The following PCDHGB6 variants were observed in gnomAD, a reference collection of about 807,000 sequenced individuals.
PCDHGB6 encodes protocadherin gamma-B6.
Under a neutral mutation model 59.1 loss-of-function variants are expected in PCDHGB6, and 51 were observed. The observed-to-expected ratio is 0.86, with a 90% CI of 0.69 to 1.09. The LOEUF (loss-of-function observed/expected upper bound fraction) is 1.09, where lower values mean the gene tolerates loss of function less well. Among genes scored for constraint, PCDHGB6 ranks in the 50% least tolerant of loss-of-function variants. The probability of loss-of-function intolerance (pLI) is 0.00; values close to 1 mark genes in which losing one functional copy is unlikely to be tolerated. For missense variants in PCDHGB6, 1,148 were observed against 1,205.1 expected (o/e 0.95, Z 0.70); for synonymous variants, 466 against 495.1 (o/e 0.94, Z 0.78).
Position 141,415,740 on chromosome 5 carries a change from G to T in PCDHGB6, c.2418+5120G>T, listed in dbSNP as rs866795513. 9.4e-4 allele frequency: 585 copies of T among 624,884 alleles called. 4 individuals carry two copies. The highest frequency in any genetic ancestry group is 8.0e-3 in the African/African-American group (318 of 39,862). 38.7% of individuals were successfully genotyped at this position (624,884 alleles called of 1,614,324 possible). A position where few individuals can be genotyped will look rare whatever the true frequency, so the allele number is the denominator to read the frequency against. The stretch of plus-strand genomic sequence containing the variant: ...TGAGTAGAATTTGATGTTTATTAAG[G>T]TTTTTTTTTTTTTTTTTTTTTTTTT... On this transcript the variant is annotated intron_variant, in intron 1 of 3. Coordinates refer to ENST00000520790, the MANE Select transcript of PCDHGB6 (RefSeq NM_018926.3).
intron 1 of PCDHGB6, chr5:141,422,001 C>T (rs2096616874): frequency 6.2e-7 from 1 of 1,609,114 alleles, no homozygotes; most frequent in Non-Finnish European, 8.5e-7. Context: ...ACATCAGCTC[C>T]GGAACTCGGG....
At chr5:141,428,114 C>CG in intron 1 of PCDHGB6, 2 of 1,607,202 alleles carry the variant, frequency 1.2e-6, no homozygotes, top group Non-Finnish European at 1.7e-6. Flanking sequence ...TGCAGGCCAT[C>CG]GAGCCCGGGC....
chr5:141,473,479 G>GA (rs150184379), intron 1 of PCDHGB6, among the ~76,000 whole-genome samples: 6,877 of 152,218 alleles, frequency 0.045, 184 homozygotes, highest in Middle Eastern at 0.088. Flanking sequence ...AAGTTCAATG[G>GA]AAAAAATATA....
In PCDHGB6 at chr5:141,472,980, C is replaced by CAAAA. The variant is rs60579131; in HGVS notation, c.2419-21813_2419-21810dup. ...CAGCCTGGGGAACAAGAGTGAAACT[C>CAAAA]AAAAAAAAAAAAAAAAAGAAAGAAA... On this transcript the variant is annotated intron_variant, in intron 1 of 3. Transcript: ENST00000520790. 5.5e-3 allele frequency among the ~76,000 whole-genome samples: 472 copies of CAAAA among 85,978 alleles called. 4 individuals carry two copies. The highest frequency in any genetic ancestry group is 0.013 in the Admixed American group (104 of 8,158). The allele number at this position is 85,978 out of a possible 152,430, so 56.4% of individuals were successfully genotyped here. A position where few individuals can be genotyped will look rare whatever the true frequency, so the allele number is the denominator to read the frequency against.
chr5:141,489,150 T>C lies in PCDHGB6; in HGVS notation c.2419-5657T>C. The C allele has an allele frequency of 1.7e-5, 15 of 862,654 alleles. No individual in the cohort carries two copies. Among genetic ancestry groups the C allele is most frequent in the Middle Eastern group, 2.5e-4 (1 of 4,044 alleles). 53.4% of individuals were successfully genotyped at this position (862,654 alleles called of 1,614,324 possible). On this transcript the variant is annotated intron_variant, in intron 1 of 3. Transcript: ENST00000520790. The surrounding 1 kb of genome is among the most constrained non-coding windows in gnomAD (Gnocchi z 4.5). ...GTTTTTAAGAGGCTGGAAGGAGACA[T>C]AAGAGACTTCAGCTGCTGCATTCCA...
At chr5:141,497,839 A>G (rs1399696596) in intron 2 of PCDHGB6, among the ~76,000 whole-genome samples, 1 of 152,044 alleles carries the variant, frequency 6.6e-6, no homozygotes, top group East Asian at 1.9e-4. Flanking sequence ...CCCGGCCACA[A>G]CAAACATTTT....
At chr5:141,438,591 CATAT>C (rs946798767) in intron 1 of PCDHGB6, among the ~76,000 whole-genome samples, 213 of 75,464 alleles carry the variant, frequency 2.8e-3, no homozygotes, top group African/African-American at 5.5e-3. Flanking sequence ...TACATACATA[CATAT>C]ATATATATAT....
chr5:141,501,331 A>T (rs1024837974), intron 2 of PCDHGB6, among the ~76,000 whole-genome samples: 2 of 138,846 alleles, frequency 1.4e-5, no homozygotes, highest in Non-Finnish European at 1.6e-5. Flanking sequence ...ACACACACAC[A>T]CACCCCAAAC....
At chr5:141,510,169 A>G (rs927072830) in intron 3 of PCDHGB6, among the ~76,000 whole-genome samples, 7 of 151,230 alleles carry the variant, frequency 4.6e-5, no homozygotes, top group Non-Finnish European at 1.0e-4. Context: ...GCTACTCAGG[A>G]GGTTGAGGCA....
intron 2 of PCDHGB6, among the ~76,000 whole-genome samples, chr5:141,501,032 C>A (rs1370625012): frequency 6.6e-6 from 1 of 151,976 alleles, no homozygotes; most frequent in Non-Finnish European, 1.5e-5. Context: ...CCACGCCCAG[C>A]TAATTTTTGT....
rs2099613082 is a variant in PCDHGB6, at chr5:141,485,421, C to T, written c.2419-9386C>T. ...TTCCGTGTGGATTTGGACAGCGGAG[C>T]CCTGCTCATCAAGAACCCAATCGAC... On this transcript the variant is annotated intron_variant, in intron 1 of 3. Coordinates refer to ENST00000520790, the MANE Select transcript of PCDHGB6 (RefSeq NM_018926.3). The surrounding 1 kb of genome is among the most constrained non-coding windows in gnomAD (Gnocchi z 5.7). The T allele has an allele frequency of 6.2e-7, 1 of 1,614,112 alleles. No individual in the cohort carries two copies. Among genetic ancestry groups the T allele is most frequent in the Non-Finnish European group, 8.5e-7 (1 of 1,180,010 alleles).
chr5:141,425,401 T>C (rs1280463432), intron 1 of PCDHGB6, among the ~76,000 whole-genome samples: 1 of 152,234 alleles, frequency 6.6e-6, no homozygotes, highest in Non-Finnish European at 1.5e-5. Context: ...AAAGTTCTGT[T>C]AAGGTATAAC....
At chr5:141,474,965 A>T (rs1268347441) in intron 1 of PCDHGB6, among the ~76,000 whole-genome samples, 1 of 152,236 alleles carries the variant, frequency 6.6e-6, no homozygotes, top group Non-Finnish European at 1.5e-5. Context: ...TATCCTAATC[A>T]TTATAATTTT....
Position 141,489,331 on chromosome 5 carries a change from C to G in PCDHGB6, c.2419-5476C>G. ...CTGCTGGGGCTGGGTGTCTGGGCAG[C>G]TTCGTTACTCAGTGGTGGAGGAGTC... On this transcript the variant is annotated intron_variant, in intron 1 of 3. Coordinates refer to ENST00000520790, the MANE Select transcript of PCDHGB6 (RefSeq NM_018926.3). The surrounding 1 kb of genome is among the most constrained non-coding windows in gnomAD (Gnocchi z 4.5). 1 of 1,605,478 alleles carries G rather than the reference C, an allele frequency of 6.2e-7. No homozygotes were observed. Among genetic ancestry groups the G allele is most frequent in the Non-Finnish European group, 8.5e-7 (1 of 1,174,878 alleles).
intron 1 of PCDHGB6, among the ~76,000 whole-genome samples, chr5:141,457,274 C>T (rs1307741345): frequency 1.3e-5 from 2 of 152,200 alleles, no homozygotes; most frequent in Non-Finnish European, 2.9e-5. Context: ...CCTCTGTGGG[C>T]CTACGAAGTT....
chr5:141,433,199 A>G (rs2097574804), intron 1 of PCDHGB6: 1 of 1,579,570 alleles, frequency 6.3e-7, no homozygotes, highest in Non-Finnish European at 8.6e-7. Context: ...TTTATATCAA[A>G]TCTTCTTTCT....
intron 1 of PCDHGB6, among the ~76,000 whole-genome samples, chr5:141,482,794 G>A (rs374042779): frequency 6.2e-5 from 8 of 129,246 alleles, no homozygotes; most frequent in Non-Finnish European, 8.1e-5. Flanking sequence ...GTGTGTGGCC[G>A]GGTACGGTGG....
At chr5:141,506,993 C>T (rs781663602) in intron 3 of PCDHGB6, 18 of 152,184 alleles carry the variant, frequency 1.2e-4, no homozygotes, top group Non-Finnish European at 1.8e-4. Context: ...TTCTCACACT[C>T]GACAGATGAG....
rs2154591356 is a variant in PCDHGB6, at chr5:141,493,972, C to G, written c.2419-835C>G. Among the ~76,000 whole-genome samples, 6 of 152,276 alleles carry G rather than the reference C, an allele frequency of 3.9e-5. No homozygotes were observed. In the Middle Eastern group the frequency reaches 0.014, roughly 345 times the overall value. On this transcript the variant is annotated intron_variant, in intron 1 of 3. Coordinates refer to ENST00000520790, the MANE Select transcript of PCDHGB6 (RefSeq NM_018926.3). This position sits in a 1 kb window ranked among gnomAD's most constrained non-coding sequence, Gnocchi z 4.3. ...CAGGAATGAAGTGGCTGGCCAGAGC[C>G]CCACACCTTCAGCTAGGTGGGAGAT...
Sources: gnomAD v4.1 joint callset for allele counts (sites outside exome capture counted in the v4.1 genomes callset) on GRCh38, gnomAD v4.1.1 for gene constraint, Gnocchi (gnomAD v3.1) non-coding constraint, MANE v1.5 for transcripts, NCBI Gene and HGNC (gene_info 2026-07-23, HGNC 2026-07-21) for gene names.